The following LTBP1 variants were observed in gnomAD, a reference collection of about 807,000 sequenced individuals.
The protein encoded by LTBP1 is latent transforming growth factor beta binding protein 1, also known as latent-transforming growth factor beta-binding protein 1.
LTBP1 carries 129 observed loss-of-function variants against 207.6 expected under a neutral mutation model. The observed-to-expected ratio is 0.62, with a 90% confidence interval of 0.54 to 0.72. The LOEUF is 0.72. Among genes scored for constraint, LTBP1 ranks in the 30% least tolerant of loss-of-function variants. The pLI is 0.00. For missense variants in LTBP1, 2,281 were observed against 2,217.2 expected (o/e 1.03, Z -0.58); for synonymous variants, 963 against 833.7 (o/e 1.16, Z -2.67).
chr2:33,294,728 G>A (rs1436233214), intron 20 of LTBP1, among the ~76,000 whole-genome samples: 1 of 151,372 alleles, frequency 6.6e-6, no homozygotes, highest in African/African-American at 2.4e-5. Flanking sequence ...ACAGGCACCC[G>A]CCATCATGCC....
intron 5 of LTBP1, among the ~76,000 whole-genome samples, chr2:33,174,276 T>A (rs2085785160): frequency 6.7e-6 from 1 of 150,014 alleles, no homozygotes; most frequent in Non-Finnish European, 1.5e-5. Context: ...CAGCCCAAAA[T>A]CTCCTTAAGC....
chr2:33,396,382 G>A (rs1397443605), intron 32 of LTBP1, among the ~76,000 whole-genome samples: 1 of 151,984 alleles, frequency 6.6e-6, no homozygotes, highest in Non-Finnish European at 1.5e-5. Flanking sequence ...CACCACGCCC[G>A]GCTAATTTTC....
intron 7 of LTBP1, among the ~76,000 whole-genome samples, chr2:33,215,768 G>A (rs1461779138): frequency 6.7e-6 from 1 of 149,470 alleles, no homozygotes; most frequent in Non-Finnish European, 1.5e-5. Flanking sequence ...CCAGGCTGGA[G>A]TGCAGTGGTG....
At chr2:33,357,569 C>T (rs1172729615) in intron 26 of LTBP1, among the ~76,000 whole-genome samples, 1 of 152,140 alleles carries the variant, frequency 6.6e-6, no homozygotes, top group Non-Finnish European at 1.5e-5. Flanking sequence ...TATAGTTACC[C>T]TCTGGATCAC....
chr2:32,948,025 C>T (rs184901704), intron 1 of LTBP1, among the ~76,000 whole-genome samples: 36 of 152,336 alleles, frequency 2.4e-4, no homozygotes, highest in African/African-American at 7.9e-4. Flanking sequence ...TGACGTGAAA[C>T]TCCGAGTGCA....
intron 5 of LTBP1, among the ~76,000 whole-genome samples, chr2:33,145,187 T>C (rs2082925249): frequency 6.6e-6 from 1 of 152,202 alleles, no homozygotes; most frequent in Admixed American, 6.5e-5. Context: ...CCTCATTATC[T>C]TGAATTTAGA....
At chr2:33,023,293 G>C (rs2075262262) in intron 3 of LTBP1, among the ~76,000 whole-genome samples, 1 of 152,196 alleles carries the variant, frequency 6.6e-6, no homozygotes, top group African/African-American at 2.4e-5. Context: ...ACCATCCACT[G>C]TTAGAATTTG....
intron 5 of LTBP1, among the ~76,000 whole-genome samples, chr2:33,177,560 T>C (rs2086187677): frequency 6.6e-6 from 1 of 151,966 alleles, no homozygotes; most frequent in African/African-American, 2.4e-5. Flanking sequence ...CTCAGCTACT[T>C]GGGATGCTGA....
chr2:33,104,342 C>T lies in LTBP1; in HGVS notation c.864-6240C>T, dbSNP rs532849757. On this transcript the variant is annotated intron_variant, in intron 3 of 33. Transcript: ENST00000404816. The stretch of plus-strand genomic sequence containing the variant: ...CAGCCTCTGGCCTGTTTCTCTTGTT[C>T]TTTCTTTTCTGTGTGTCACTAGTAT... 4.6e-5 allele frequency among the ~76,000 whole-genome samples: 7 copies of T among 152,264 alleles called. No homozygotes were observed. The East Asian group carries it at 1.4e-3, about 29-fold the overall frequency.
chr2:33,377,680 T>C (rs983540058), intron 31 of LTBP1, among the ~76,000 whole-genome samples: 8 of 152,214 alleles, frequency 5.3e-5, no homozygotes, highest in African/African-American at 1.7e-4. Flanking sequence ...AAAGCAACAC[T>C]TATTTTTAGT....
rs2087489396 is a variant in LTBP1, at chr2:33,188,706, C to T, written c.1556C>T (p.Ser519Phe). 6.2e-7 allele frequency: 1 copy of T among 1,614,016 alleles called. No individual in the cohort carries two copies. The highest frequency in any genetic ancestry group is 1.3e-5 in the African/African-American group (1 of 74,898). ...ACAAAAGAAGCTCAACCAGGCCAATCCCAAGTCTCGTACCAAGGGCTTCCT... is the reference window on the plus strand; with the variant it reads ...ACAAAAGAAGCTCAACCAGGCCAATTCCAAGTCTCGTACCAAGGGCTTCCT... ...QKTKEAQPGQ[S>F]QVSYQGLPVQ... The change falls in exon 7 of 34, where the codon TCC (serine) becomes TTC (phenylalanine). Residue 519 changes from serine to phenylalanine, a missense_variant. Ser to Phe is a radical substitution (Grantham distance 155). Around this residue, in one of 3 missense-constraint regions of LTBP1, gnomAD observed 1,671 missense variants for 1,634.8 expected, o/e 1.02. Coordinates refer to ENST00000404816, the MANE Select transcript of LTBP1 (RefSeq NM_206943.4).
intron 24 of LTBP1, 77 bp from the exon 25 acceptor site, chr2:33,342,761 C>T: frequency 2.7e-6 from 4 of 1,499,594 alleles, no homozygotes; most frequent in Non-Finnish European, 3.7e-6. Context: ...TGTTGAGTGC[C>T]TCTGTTTATC....
chr2:33,307,085 C>CAAAAAAAAAAAAAAAAAAAAA (rs1291775472), intron 22 of LTBP1, among the ~76,000 whole-genome samples: 2 of 151,716 alleles, frequency 1.3e-5, no homozygotes, highest in Non-Finnish European at 3.0e-5. Flanking sequence ...GACTCCATCT[C>CAAAAAAAAAAAAAAAAAAAAA]AAAAACAAAA....
chr2:33,398,576 C>T lies in LTBP1; in HGVS notation c.*31C>T, dbSNP rs372213955. On this transcript the variant is annotated 3_prime_UTR_variant, in exon 34 of 34. Transcript: ENST00000404816. ...AATCTACATAACCTAAGCCCATATACTCTGCACTGTGTAAAGGAAAAGGGA... is the reference window on the plus strand; with the variant it reads ...AATCTACATAACCTAAGCCCATATATTCTGCACTGTGTAAAGGAAAAGGGA... 6.3e-7 allele frequency: 1 copy of T among 1,587,466 alleles called. No individual in the cohort carries two copies.
chr2:32,992,582 C>T (rs1040705990), intron 2 of LTBP1, among the ~76,000 whole-genome samples: 1 of 152,162 alleles, frequency 6.6e-6, no homozygotes, highest in Non-Finnish European at 1.5e-5. Flanking sequence ...TACTAGGATT[C>T]CATTGCAGGA....
intron 5 of LTBP1, among the ~76,000 whole-genome samples, chr2:33,135,324 C>T (rs537681154): frequency 5.9e-5 from 9 of 152,192 alleles, no homozygotes; most frequent in Admixed American, 2.0e-4. Flanking sequence ...TGGAATTTGT[C>T]TTAGATTTGA....
At chr2:33,202,503 C>G (rs538570374) in intron 7 of LTBP1, among the ~76,000 whole-genome samples, 14 of 152,198 alleles carry the variant, frequency 9.2e-5, no homozygotes, top group Non-Finnish European at 2.1e-4. Flanking sequence ...GTGAATATTA[C>G]TGGGATGAAG....
At chr2:33,249,527 C>T (rs1415387059) in intron 10 of LTBP1, among the ~76,000 whole-genome samples, 3 of 152,082 alleles carry the variant, frequency 2.0e-5, no homozygotes, top group Admixed American at 1.3e-4. Context: ...TAGCTTTTTA[C>T]TCTTGTTTTG....
At chr2:33,295,976 G>C (rs190118457) in intron 20 of LTBP1, among the ~76,000 whole-genome samples, 76 of 152,132 alleles carry the variant, frequency 5.0e-4, no homozygotes, top group African/African-American at 1.8e-3. Context: ...ATCTAACGTG[G>C]GCACACCTCC....
Sources: allele counts gnomAD v4.1 joint callset (sites outside exome capture counted in the v4.1 genomes callset), GRCh38; gene constraint gnomAD v4.1.1; regional missense constraint gnomAD v4.1.1; transcripts MANE v1.5; gene names NCBI Gene and HGNC (gene_info 2026-07-23, HGNC 2026-07-21).